The following NBEA variants were observed in gnomAD, a reference collection of about 807,000 sequenced individuals.
NBEA encodes the protein neurobeachin, also known as lysosomal-trafficking regulator 2.
In NBEA, 44 loss-of-function variants were observed where a neutral mutation model predicts 343.4. The observed-to-expected ratio is 0.13, with a 90% CI of 0.10 to 0.16. The LOEUF is 0.16. NBEA is among the 10% of genes least tolerant of loss of function. The pLI is 1.00. For synonymous variants in NBEA, 1,175 were observed against 1,238.7 expected, an observed-to-expected ratio of 0.95 and a Z score of 1.08; for missense variants, 2,555 against 3,631.3, an observed-to-expected ratio of 0.70 and a Z score of 7.62.
intron 11 of NBEA, among the ~76,000 whole-genome samples, chr13:35,103,425 T>G (rs1321047649): frequency 6.6e-6 from 1 of 151,754 alleles, no homozygotes; most frequent in Non-Finnish European, 1.5e-5. Context: ...CTTTTTTTTT[T>G]TCTTACTTAT....
chr13:35,027,617 C>T lies in NBEA; in HGVS notation c.295-13316C>T, dbSNP rs185840726. On this transcript the variant is annotated intron_variant, in intron 1 of 58. Transcript: ENST00000379939. ...ATATGTGGTTTACAAATACTTTCTT[C>T]CAGTCTGTAGCTTATATTTTCAACT... Among the ~76,000 whole-genome samples, 321 of 152,000 alleles carry T rather than the reference C, an allele frequency of 2.1e-3. 8 individuals are homozygous for T. In the South Asian group the frequency reaches 0.045, roughly 21 times the overall value.
chr13:35,594,968 C>T (rs927244449), intron 47 of NBEA, among the ~76,000 whole-genome samples: 2 of 150,850 alleles, frequency 1.3e-5, no homozygotes, highest in Non-Finnish European at 3.0e-5. Flanking sequence ...CACACACACA[C>T]ACACACACAC....
intron 31 of NBEA, 77 bp from the exon 32 acceptor site, chr13:35,208,623 T>A (rs780270432): frequency 1.5e-6 from 2 of 1,293,880 alleles, no homozygotes; most frequent in Non-Finnish European, 2.1e-6. Flanking sequence ...ATGTTGACTA[T>A]GTATATCTGT....
In NBEA at chr13:35,096,488, A is replaced by G. The variant is rs2065337278; in HGVS notation, c.1572-1809A>G. Among the ~76,000 whole-genome samples, 3 of 152,054 alleles carry G rather than the reference A, an allele frequency of 2.0e-5. No homozygotes were observed. The South Asian group carries it at 6.2e-4, about 31-fold the overall frequency. ...CTGACATAAAAGAATGAGAAAATCC[A>G]TGTCATCCTTGCAATTTTACATGGT... is the stretch of plus-strand genomic sequence containing the variant. On this transcript the variant is annotated intron_variant, in intron 10 of 58. Transcript: ENST00000379939.
chr13:35,334,437 T>C (rs1435134376), intron 36 of NBEA, among the ~76,000 whole-genome samples: 1 of 151,990 alleles, frequency 6.6e-6, no homozygotes, highest in Non-Finnish European at 1.5e-5. Flanking sequence ...GCCCAGCTAA[T>C]GTTTGTATTT....
At chr13:35,328,165 G>T (rs2038696918) in intron 36 of NBEA, among the ~76,000 whole-genome samples, 1 of 151,796 alleles carries the variant, frequency 6.6e-6, no homozygotes, top group Admixed American at 6.6e-5. Context: ...AGTAAATTTA[G>T]CAAAGTCACA....
chr13:35,475,323 G>A (rs1390495163), intron 41 of NBEA: 3 of 1,613,932 alleles, frequency 1.9e-6, no homozygotes, highest in African/African-American at 2.7e-5. Flanking sequence ...TCTTCATATG[G>A]TAATTGTTCA....
At chr13:34,983,426 A>G (rs370600792) in intron 1 of NBEA, among the ~76,000 whole-genome samples, 1 of 152,098 alleles carries the variant, frequency 6.6e-6, no homozygotes, top group African/African-American at 2.4e-5. Context: ...TCTATCATTG[A>G]TGGACATTTG....
intron 45 of NBEA, among the ~76,000 whole-genome samples, chr13:35,582,155 G>A (rs954826632): frequency 1.1e-4 from 16 of 151,928 alleles, no homozygotes; most frequent in Admixed American, 3.3e-4. Context: ...GCATGGTGGC[G>A]GGCGCCTGTA....
chr13:35,427,826 A>G (rs2044802894), intron 38 of NBEA, among the ~76,000 whole-genome samples: 2 of 152,108 alleles, frequency 1.3e-5, no homozygotes, highest in South Asian at 4.1e-4. Context: ...ATCAATTCTC[A>G]GCAATGGCGG....
At chr13:35,050,745 C>T (rs1445112045) in intron 6 of NBEA, among the ~76,000 whole-genome samples, 1 of 151,854 alleles carries the variant, frequency 6.6e-6, no homozygotes, top group Non-Finnish European at 1.5e-5. Flanking sequence ...AAATGTTAAA[C>T]CCCCAGATTA....
chr13:35,111,977 T>G (rs762597090), intron 13 of NBEA, among the ~76,000 whole-genome samples: 1 of 144,850 alleles, frequency 6.9e-6, no homozygotes, highest in Non-Finnish European at 1.5e-5. Context: ...AGTGCAGTGG[T>G]GCTATCTCAG....
intron 34 of NBEA, among the ~76,000 whole-genome samples, chr13:35,275,993 A>C (rs2034555955): frequency 6.6e-6 from 1 of 152,074 alleles, no homozygotes; most frequent in Non-Finnish European, 1.5e-5. Flanking sequence ...TAGAACTTAA[A>C]GTATAATAAT....
intron 40 of NBEA, among the ~76,000 whole-genome samples, chr13:35,453,373 T>C (rs2152946876): frequency 6.6e-6 from 1 of 152,336 alleles, no homozygotes; most frequent in East Asian, 1.9e-4. Context: ...AATGTACTCT[T>C]AAGTCTGTGA....
intron 40 of NBEA, among the ~76,000 whole-genome samples, chr13:35,453,553 A>G (rs1050867959): frequency 6.6e-6 from 1 of 152,152 alleles, no homozygotes; most frequent in African/African-American, 2.4e-5. Flanking sequence ...TGCTGGTCTC[A>G]TTCTTCATCT....
At chr13:35,147,767 C>G (rs2068524756) in intron 18 of NBEA, among the ~76,000 whole-genome samples, 1 of 151,998 alleles carries the variant, frequency 6.6e-6, no homozygotes, top group African/African-American at 2.4e-5. Flanking sequence ...ATCTGGTTCC[C>G]CATTTGGTTC....
intron 28 of NBEA, chr13:35,179,923 A>G (rs775046874): frequency 3.9e-5 from 15 of 380,848 alleles, no homozygotes; most frequent in Non-Finnish European, 5.4e-5. Flanking sequence ...TATGCATTTT[A>G]AACAGTTTGT....
At chr13:35,123,819 T>G (rs1466434248) in intron 17 of NBEA, among the ~76,000 whole-genome samples, 5 of 152,278 alleles carry the variant, frequency 3.3e-5, no homozygotes, top group Non-Finnish European at 5.9e-5. Flanking sequence ...GAAAGCATTA[T>G]CTATTCTGAA....
intron 41 of NBEA, among the ~76,000 whole-genome samples, 164 bp downstream of exon 41, chr13:35,472,700 A>T (rs1022004847): frequency 6.6e-6 from 1 of 152,206 alleles, no homozygotes; most frequent in African/African-American, 2.4e-5. Flanking sequence ...GGAATTGAAG[A>T]ATATATTAAT....
Sources: allele counts gnomAD v4.1 joint callset (sites outside exome capture counted in the v4.1 genomes callset), GRCh38; gene constraint gnomAD v4.1.1; transcripts MANE v1.5; gene names NCBI Gene and HGNC (gene_info 2026-07-23, HGNC 2026-07-21).